Variants in IFT122 observed in about 807,000 individuals in gnomAD.
IFT122 encodes the protein intraflagellar transport protein 122 homolog.
IFT122 carries 118 observed loss-of-function variants against 161.6 expected under a neutral mutation model. The ratio of observed to expected loss-of-function variants is 0.73; its 90% CI spans 0.63 to 0.85. The LOEUF is 0.85. Among genes scored for constraint, IFT122 ranks in the 40% least tolerant of loss-of-function variants. The pLI, the probability that IFT122 is intolerant of heterozygous loss-of-function variation, is 0.00. For synonymous variants in IFT122, 550 were observed against 602.4 expected (o/e 0.91, Z 1.27); for missense variants, 1,381 against 1,579.6 (o/e 0.87, Z 2.13).
intron 19 of IFT122, among the ~76,000 whole-genome samples, chr3:129,501,248 G>A (rs2081508465): frequency 6.6e-6 from 1 of 152,156 alleles, no homozygotes; most frequent in African/African-American, 2.4e-5. Context: ...GGACACGATG[G>A]GACAAGCTCC....
intron 18 of IFT122, among the ~76,000 whole-genome samples, chr3:129,498,341 G>A (rs2081135104): frequency 6.6e-6 from 1 of 152,354 alleles, no homozygotes; most frequent in African/African-American, 2.4e-5. Context: ...TCCTCCAGCT[G>A]CCACCCTCAT....
intron 9 of IFT122, among the ~76,000 whole-genome samples, chr3:129,471,557 G>A (rs1361972275): frequency 6.6e-6 from 1 of 152,196 alleles, no homozygotes; most frequent in Non-Finnish European, 1.5e-5. Flanking sequence ...GAAGAAAAGA[G>A]CTCAACATGG....
intron 12 of IFT122, among the ~76,000 whole-genome samples, chr3:129,479,352 G>A (rs2078359342): frequency 6.6e-6 from 1 of 151,940 alleles, no homozygotes; most frequent in Admixed American, 6.6e-5. Context: ...CAGGAGAATT[G>A]CTTTAGCCAG....
intron 26 of IFT122, among the ~76,000 whole-genome samples, chr3:129,516,169 GCA>G (rs144438445): frequency 0.036 from 4,257 of 118,748 alleles, 279 homozygotes; most frequent in African/African-American, 0.13. Flanking sequence ...GACCGCCCCT[GCA>G]CACACACACA....
rs774399900 is a variant in IFT122 at position 129,516,563 on chromosome 3, G to GCA, written c.3266-891_3266-890dup. 2.4e-3 allele frequency among the ~76,000 whole-genome samples: 219 copies of GCA among 90,254 alleles called. 8 individuals are homozygous for GCA. The highest frequency in any genetic ancestry group is 7.7e-3 in the African/African-American group (171 of 22,208). 59.2% of individuals were successfully genotyped at this position (90,254 alleles called of 152,430 possible). On this transcript the variant is annotated intron_variant, in intron 26 of 29. Coordinates refer to ENST00000348417, the MANE Select transcript of IFT122 (RefSeq NM_052989.3). ...CCCTGCACACACACAGATTGCTCCT[G>GCA]CACACACACACACACAGAGAGACTG...
chr3:129,507,621 C>T, intron 22 of IFT122, 47 bp from the exon 23 acceptor site: 1 of 1,495,622 alleles, frequency 6.7e-7, no homozygotes, highest in Non-Finnish European at 9.3e-7. Flanking sequence ...TTGGCAGCCA[C>T]AGACACTGTT....
chr3:129,466,642 C>G (rs1341904910), intron 7 of IFT122, among the ~76,000 whole-genome samples: 1 of 151,620 alleles, frequency 6.6e-6, no homozygotes, highest in Non-Finnish European at 1.5e-5. Context: ...GCTTGGATCA[C>G]AGGCACATGC....
chr3:129,514,740 G>A (rs549033373), intron 25 of IFT122, 186 bp downstream of exon 25: 17 of 728,370 alleles, frequency 2.3e-5, no homozygotes, highest in East Asian at 1.6e-4. Context: ...TGTTCTCCCC[G>A]CAGTCCACCT....
At chr3:129,488,782 T>G (rs2079641760) in intron 16 of IFT122, among the ~76,000 whole-genome samples, 2 of 152,032 alleles carry the variant, frequency 1.3e-5, no homozygotes, top group Non-Finnish European at 2.9e-5. Context: ...GCTTTTATTA[T>G]CGGTGTAGTC....
At chr3:129,458,352 C>T (rs2075779219) in intron 3 of IFT122, among the ~76,000 whole-genome samples, 1 of 152,154 alleles carries the variant, frequency 6.6e-6, no homozygotes, top group African/African-American at 2.4e-5. Context: ...TACTTAATCC[C>T]TAGCATAGAA....
chr3:129,516,494 A>G (rs1338369795), intron 26 of IFT122, among the ~76,000 whole-genome samples: 13 of 127,268 alleles, frequency 1.0e-4, no homozygotes, highest in Middle Eastern at 4.8e-3. Context: ...CTGCCCCTGC[A>G]CACACACATG....
intron 19 of IFT122, among the ~76,000 whole-genome samples, chr3:129,500,549 A>G (rs1209472040): frequency 1.3e-5 from 2 of 152,228 alleles, no homozygotes; most frequent in Admixed American, 6.5e-5. Context: ...CAAAAACAAA[A>G]CAAGTTCCAA....
At position 129,481,569 on chromosome 3, in the gene IFT122, C is replaced by G; in HGVS notation, c.1528C>G (p.Leu510Val). The stretch of plus-strand genomic sequence containing the variant: ...CGTGGACAATCTCTTTGCTATCGTC[C>G]TGCTGAAGCAGGCCACAGCTGTGCG... ...IFVDNLFAIV[L>V]LKQATAVRCL... is the part of the protein sequence containing the mutation. Residue 510 changes from leucine (L) to valine (V), a missense_variant, in exon 14 of 30, where the codon CTG becomes GTG. This residue lies in a region of IFT122 where 544 missense variants were observed against 648.0 expected (regional missense o/e 0.84). Transcript: ENST00000348417. The G allele has an allele frequency of 6.3e-7, 1 of 1,589,670 alleles. No individual in the cohort carries two copies. Among genetic ancestry groups the G allele is most frequent in the Non-Finnish European group, 8.6e-7 (1 of 1,157,888 alleles).
chr3:129,467,158 G>A, intron 8 of IFT122, 92 bp downstream of exon 8: 1 of 1,219,440 alleles, frequency 8.2e-7, no homozygotes. Context: ...TTTGGCCAAG[G>A]GAGTGCAGGG....
chr3:129,518,885 G>C (rs1011550627), intron 27 of IFT122, among the ~76,000 whole-genome samples: 1 of 152,246 alleles, frequency 6.6e-6, no homozygotes, highest in Non-Finnish European at 1.5e-5. Context: ...CTGGCCCTGG[G>C]AGCTATGGTG....
At chr3:129,510,107 G>A (rs1005515633) in intron 23 of IFT122, among the ~76,000 whole-genome samples, 2 of 152,158 alleles carry the variant, frequency 1.3e-5, no homozygotes, top group African/African-American at 4.8e-5. Context: ...GTCGCCCAAG[G>A]TGGAGTGCAG....
rs113694930 is a variant in IFT122, at chr3:129,497,094, A to G, written c.2208+1487A>G. ...TCAGGAGGTCGAGACCAGCCTGGGC[A>G]ATATGGTGAAACCCTCTCTCTACCA... On this transcript the variant is annotated intron_variant, in intron 18 of 29. Transcript: ENST00000348417. Among the ~76,000 whole-genome samples the G allele has an allele frequency of 4.1e-3, 626 of 152,258 alleles. 5 individuals are homozygous for G. The highest frequency in any genetic ancestry group is 0.015 in the African/African-American group (609 of 41,554).
intron 12 of IFT122, among the ~76,000 whole-genome samples, chr3:129,478,637 G>A (rs1315406962): frequency 1.3e-5 from 2 of 152,024 alleles, no homozygotes; most frequent in Non-Finnish European, 2.9e-5. Flanking sequence ...AGAGACGCGA[G>A]GCTGTACTTT....
chr3:129,505,303 G>C (rs1418264842), intron 21 of IFT122, among the ~76,000 whole-genome samples: 2 of 152,202 alleles, frequency 1.3e-5, no homozygotes, highest in Non-Finnish European at 2.9e-5. Flanking sequence ...TTGGGTGTTT[G>C]ATGTTCCATA....
Sources: gnomAD v4.1 joint callset for allele counts (sites outside exome capture counted in the v4.1 genomes callset) on GRCh38, gnomAD v4.1.1 for gene constraint, gnomAD v4.1.1 regional missense constraint, MANE v1.5 for transcripts, NCBI Gene and HGNC (gene_info 2026-07-23, HGNC 2026-07-21) for gene names.